The following ONECUT1 variants were observed in gnomAD, a reference collection of about 807,000 sequenced individuals.
ONECUT1 encodes the protein one cut homeobox 1, also known as hepatocyte nuclear factor 6.
A neutral mutation model predicts 25.6 loss-of-function variants in ONECUT1; 12 were observed. The ratio of observed to expected loss-of-function variants is 0.47; its 90% confidence interval spans 0.30 to 0.76. The LOEUF (loss-of-function observed/expected upper bound fraction) is 0.76. ONECUT1 is among the 30% of genes least tolerant of loss of function. ONECUT1 has a pLI of 0.07. For synonymous variants in ONECUT1, 285 were observed against 270.2 expected, an observed-to-expected ratio of 1.05 and a Z score of -0.54; for missense variants, 620 against 651.2, an observed-to-expected ratio of 0.95 and a Z score of 0.52.
intron 1 of ONECUT1, chr15:52,781,141 T>A (rs984704609): frequency 6.4e-6 from 1 of 155,482 alleles, no homozygotes; most frequent in African/African-American, 2.4e-5. Flanking sequence ...CCTGAAGGTA[T>A]GGGAAGATCT....
At chr15:52,762,745 G>A (rs1310221575) in intron 1 of ONECUT1, among the ~76,000 whole-genome samples, 1 of 152,158 alleles carries the variant, frequency 6.6e-6, no homozygotes, top group Non-Finnish European at 1.5e-5. Context: ...AGAAAGCAGA[G>A]ATATCAGTAA....
Position 52,789,983 on chromosome 15 carries a change from A to C in ONECUT1, c.-99T>G. The C allele has an allele frequency of 7.1e-7, 1 of 1,414,358 alleles. No individual in the cohort carries two copies. Among genetic ancestry groups the C allele is most frequent in the Non-Finnish European group, 9.2e-7 (1 of 1,090,848 alleles). The allele number at this position is 1,414,358 out of a possible 1,614,324, so 87.6% of individuals were successfully genotyped here. A position where few individuals can be genotyped will look rare whatever the true frequency, so the allele number is the denominator to read the frequency against. ...CCGGTCTTCACATCGGCTGCTGGCG[A>C]CTGTTGCCTTCCTTCCTCTCACTGT... On this transcript the variant is annotated 5_prime_UTR_variant, in exon 1 of 2. Coordinates refer to ENST00000305901, the MANE Select transcript of ONECUT1 (RefSeq NM_004498.4). The surrounding 1 kb of genome is among the most constrained non-coding windows in gnomAD (Gnocchi z 4.1).
intron 1 of ONECUT1, among the ~76,000 whole-genome samples, chr15:52,770,211 T>C (rs2083758533): frequency 6.6e-6 from 1 of 152,208 alleles, no homozygotes; most frequent in Non-Finnish European, 1.5e-5. Flanking sequence ...TAGTCTTCTC[T>C]GCAAATGGGA....
intron 1 of ONECUT1, among the ~76,000 whole-genome samples, chr15:52,777,179 C>G (rs989706968): frequency 6.6e-6 from 1 of 152,202 alleles, no homozygotes; most frequent in African/African-American, 2.4e-5. Flanking sequence ...TAAACACACA[C>G]AAACACACAG....
At chr15:52,762,934 C>T (rs1300507018) in intron 1 of ONECUT1, among the ~76,000 whole-genome samples, 1 of 151,688 alleles carries the variant, frequency 6.6e-6, no homozygotes, top group Admixed American at 6.6e-5. Context: ...TAGGAAACCC[C>T]CAATTGGAGG....
chr15:52,779,833 T>C lies in ONECUT1; in HGVS notation c.1105+8947A>G, dbSNP rs149140648. Among the ~76,000 whole-genome samples the C allele has an allele frequency of 6.1e-3, 934 of 152,308 alleles. 14 individuals carry two copies. Among genetic ancestry groups the C allele is most frequent in the African/African-American group, 0.02 (819 of 41,544 alleles). ...GAAAAATGCCAAAAAGAGACCAATC[T>C]TCAGCAGAGGTACTTAGCGCTCTCC... On this transcript the variant is annotated intron_variant, in intron 1 of 1. Coordinates refer to ENST00000305901, the MANE Select transcript of ONECUT1 (RefSeq NM_004498.4).
At position 52,784,182 on chromosome 15, in the gene ONECUT1, C is replaced by T. The variant is rs1186701181; in HGVS notation, c.1105+4598G>A. 5.3e-5 allele frequency among the ~76,000 whole-genome samples: 8 copies of T among 152,188 alleles called. No individual in the cohort carries two copies. The highest frequency in any genetic ancestry group is 2.9e-5 in the Non-Finnish European group (2 of 68,030). On this transcript the variant is annotated intron_variant, in intron 1 of 1. Transcript: ENST00000305901. The surrounding 1 kb of genome is among the most constrained non-coding windows in gnomAD (Gnocchi z 5.0). Reference sequence around the variant, plus strand: ...GGGAGCGCGGAGGGCTCGAGGCTTGCAGATAAGGAGAGGCGCATCCTGGGA... The same window carrying T: ...GGGAGCGCGGAGGGCTCGAGGCTTGTAGATAAGGAGAGGCGCATCCTGGGA...
At chr15:52,779,412 T>G (rs2141459658) in intron 1 of ONECUT1, among the ~76,000 whole-genome samples, 1 of 152,282 alleles carries the variant, frequency 6.6e-6, no homozygotes, top group East Asian at 1.9e-4. Flanking sequence ...AAAAAAAAAC[T>G]TGTTTAACTT....
Position 52,757,519 on chromosome 15 carries a change from G to A in ONECUT1, c.*36C>T. On this transcript the variant is annotated 3_prime_UTR_variant, in exon 2 of 2. Coordinates refer to ENST00000305901, the MANE Select transcript of ONECUT1 (RefSeq NM_004498.4). The stretch of plus-strand genomic sequence containing the variant: ...TTTTAAAAATTTTTTTTAATTTAAA[G>A]CTTTTCCACCGAGGTTTTAGTTTGT... The A allele has an allele frequency of 6.4e-7, 1 of 1,563,110 alleles. No homozygotes were observed. The highest frequency in any genetic ancestry group is 8.6e-7 in the Non-Finnish European group (1 of 1,159,414).
At position 52,755,752 on chromosome 15, in the gene ONECUT1, A is replaced by T. The variant is rs1307577250; in HGVS notation, c.*1803T>A. On this transcript the variant is annotated 3_prime_UTR_variant, in exon 2 of 2. Transcript: ENST00000305901. ...TAGTTCTAAGTAGGGGTGGTAATTA[A>T]CTTACAGTATCCAATTCTTTACCTA... Among the ~76,000 whole-genome samples, 2 of 152,168 alleles carry T rather than the reference A, an allele frequency of 1.3e-5. No individual in the cohort carries two copies. Among genetic ancestry groups the T allele is most frequent in the Non-Finnish European group, 1.5e-5 (1 of 68,034 alleles).
At chr15:52,767,062 G>A (rs561134994) in intron 1 of ONECUT1, among the ~76,000 whole-genome samples, 51 of 152,260 alleles carry the variant, frequency 3.3e-4, no homozygotes, top group Admixed American at 3.2e-3. Flanking sequence ...AAGGGCGTGA[G>A]GGAGACACTG....
At chr15:52,774,316 T>G (rs937061035) in intron 1 of ONECUT1, among the ~76,000 whole-genome samples, 3 of 151,850 alleles carry the variant, frequency 2.0e-5, no homozygotes, top group Non-Finnish European at 4.4e-5. Context: ...TATTTATTTT[T>G]TGAGACAGAG....
rs6493578 is a variant in ONECUT1, at chr15:52,755,071, C to T, written c.*2484G>A. On this transcript the variant is annotated 3_prime_UTR_variant, in exon 2 of 2. Transcript: ENST00000305901. ...GGATTGATTTTGGGGGTAATATATA[C>T]TAGCAACAAATAAAAAACATGGTTG... Among the ~76,000 whole-genome samples the T allele has an allele frequency of 2.1e-5, 3 of 142,124 alleles. No individual in the cohort carries two copies. Among genetic ancestry groups the T allele is most frequent in the Non-Finnish European group, 4.6e-5 (3 of 65,270 alleles). 93.2% of individuals were successfully genotyped at this position (142,124 alleles called of 152,430 possible).
intron 1 of ONECUT1, among the ~76,000 whole-genome samples, chr15:52,773,680 C>G (rs1160040076): frequency 1.3e-5 from 2 of 151,994 alleles, no homozygotes; most frequent in Non-Finnish European, 2.9e-5. Flanking sequence ...ACCAAATGAG[C>G]TTGGAACATC....
At chr15:52,763,324 G>C (rs2083716272) in intron 1 of ONECUT1, among the ~76,000 whole-genome samples, 1 of 152,044 alleles carries the variant, frequency 6.6e-6, no homozygotes, top group South Asian at 2.1e-4. Flanking sequence ...AAGTAGGCAT[G>C]AAAGATGGTA....
rs144169782 is a variant in ONECUT1, at chr15:52,786,831, C to T, written c.1105+1949G>A. Among the ~76,000 whole-genome samples, 1,187 of 143,222 alleles carry T rather than the reference C, an allele frequency of 8.3e-3. 18 individuals carry two copies. The highest frequency in any genetic ancestry group is 0.027 in the African/African-American group (1,060 of 38,900). The allele number at this position is 143,222 out of a possible 152,430, so 94.0% of individuals were successfully genotyped here. A position where few individuals can be genotyped will look rare whatever the true frequency, so the allele number is the denominator to read the frequency against. ...GGATATTGAAGTCCAGAGCAAGAGC[C>T]TCCAGGGGGCGGGGGTGGGGGATGG... On this transcript the variant is annotated intron_variant, in intron 1 of 1. Transcript: ENST00000305901.
At chr15:52,786,356 T>G (rs1285075803) in intron 1 of ONECUT1, among the ~76,000 whole-genome samples, 1 of 152,226 alleles carries the variant, frequency 6.6e-6, no homozygotes, top group Non-Finnish European at 1.5e-5. Flanking sequence ...CTTTCCACCA[T>G]CCCTTTTAAG....
intron 1 of ONECUT1, among the ~76,000 whole-genome samples, chr15:52,772,165 C>A (rs143779650): frequency 0.013 from 1,907 of 151,916 alleles, 14 homozygotes; most frequent in Non-Finnish European, 0.02. Flanking sequence ...GAGGCCGAGG[C>A]GGGTGGATCA....
chr15:52,758,254 A>G (rs1452787733), intron 1 of ONECUT1, among the ~76,000 whole-genome samples: 1 of 152,228 alleles, frequency 6.6e-6, no homozygotes, highest in African/African-American at 2.4e-5. Flanking sequence ...AGTGTATGCA[A>G]AAGTTTATGC....
Sources: allele counts gnomAD v4.1 joint callset (sites outside exome capture counted in the v4.1 genomes callset), GRCh38; gene constraint gnomAD v4.1.1; non-coding constraint Gnocchi (gnomAD v3.1); transcripts MANE v1.5; gene names NCBI Gene and HGNC (gene_info 2026-07-23, HGNC 2026-07-21).